The following ZNF644 variants were observed in gnomAD, a reference collection of about 807,000 sequenced individuals.
ZNF644 encodes the protein zinc finger motif enhancer binding protein 2.
Under a neutral mutation model 108.0 loss-of-function variants are expected in ZNF644, and 20 were observed. The ratio of observed to expected loss-of-function variants is 0.19; its 90% CI spans 0.13 to 0.27. ZNF644 has a LOEUF of 0.27. ZNF644 is among the 10% of genes least tolerant of loss of function. ZNF644 has a pLI of 1.00. For missense variants in ZNF644, 1,338 were observed against 1,548.9 expected (o/e 0.86, Z 2.29); for synonymous variants, 542 against 539.1 (o/e 1.01, Z -0.08).
At position 90,939,023 on chromosome 1, in the gene ZNF644, T is replaced by C; in HGVS notation, c.2331A>G (p.Ser777=). The change falls in exon 3 of 6, where the codon TCA becomes TCG. Residue 777 remains serine, a synonymous_variant. Transcript: ENST00000337393. ...SSLNSLHLFS[S]SSNSHNNFIS... Reference sequence around the variant, plus strand: ...TAAAATTGTTGTGAGAATTACTTGATGATGAAAACAGGTGTAAAGAATTTA... The same window carrying C: ...TAAAATTGTTGTGAGAATTACTTGACGATGAAAACAGGTGTAAAGAATTTA... 2.5e-6 allele frequency: 4 copies of C among 1,614,042 alleles called. 1 individual carries two copies. The highest frequency in any genetic ancestry group is 2.2e-5 in the South Asian group (2 of 91,082).
At chr1:90,937,169 C>T (rs1002363964) in intron 4 of ZNF644, among the ~76,000 whole-genome samples, 1 of 152,108 alleles carries the variant, frequency 6.6e-6, no homozygotes, top group Non-Finnish European at 1.5e-5. Context: ...CATCCTCCAG[C>T]CAGAGCAAGT....
chr1:90,930,228 G>A (rs1163546724), intron 4 of ZNF644, among the ~76,000 whole-genome samples: 1 of 152,202 alleles, frequency 6.6e-6, no homozygotes, highest in African/African-American at 2.4e-5. Context: ...AGAGGTTGCA[G>A]TGAGCCGAGA....
intron 2 of ZNF644, among the ~76,000 whole-genome samples, chr1:90,960,933 C>G (rs1316124125): frequency 6.6e-6 from 1 of 151,952 alleles, no homozygotes. Context: ...CAAGAATCAT[C>G]CAAAAGTGAG....
chr1:90,975,266 C>T (rs1422020438), intron 2 of ZNF644, among the ~76,000 whole-genome samples: 3 of 152,192 alleles, frequency 2.0e-5, no homozygotes, highest in Non-Finnish European at 1.5e-5. Context: ...ATTATAATTA[C>T]ATATTTAGTT....
At chr1:90,955,728 T>C (rs1474113213) in intron 2 of ZNF644, among the ~76,000 whole-genome samples, 2 of 152,256 alleles carry the variant, frequency 1.3e-5, no homozygotes, top group African/African-American at 4.8e-5. Flanking sequence ...TGTGGCTGGT[T>C]TGATCTTCTG....
rs551549459 is a variant in ZNF644 at position 90,987,250 on chromosome 1, T to C, written c.-17-4880A>G. Among the ~76,000 whole-genome samples, 1,169 of 141,754 alleles carry C rather than the reference T, an allele frequency of 8.2e-3. 22 individuals are homozygous for C. The highest frequency in any genetic ancestry group is 0.031 in the African/African-American group (1,105 of 36,096). The allele number at this position is 141,754 out of a possible 152,430, so 93.0% of individuals were successfully genotyped here. ...ACTCAATGAAACCTAGAGTTGGTTT[T>C]TTTTTTTTTTTTTTTTTAAAAAAAG... On this transcript the variant is annotated intron_variant, in intron 1 of 5. Transcript: ENST00000337393.
chr1:90,920,734 T>C (rs1326896156), intron 4 of ZNF644, among the ~76,000 whole-genome samples: 1 of 151,978 alleles, frequency 6.6e-6, no homozygotes, highest in Admixed American at 6.6e-5. Context: ...TGATCAATCA[T>C]CTCTAGAACC....
intron 2 of ZNF644, among the ~76,000 whole-genome samples, chr1:90,976,930 C>T (rs1023567266): frequency 5.9e-5 from 9 of 151,800 alleles, no homozygotes; most frequent in African/African-American, 2.2e-4. Flanking sequence ...CCAAAATATG[C>T]CAATTTGTAA....
At chr1:90,990,196 CT>C (rs1329309463) in intron 1 of ZNF644, among the ~76,000 whole-genome samples, 1 of 152,148 alleles carries the variant, frequency 6.6e-6, no homozygotes, top group Non-Finnish European at 1.5e-5. Context: ...CACAGAGTTT[CT>C]CTTTTCCAAA....
At chr1:90,970,610 C>T (rs1029987371) in intron 2 of ZNF644, among the ~76,000 whole-genome samples, 4 of 151,994 alleles carry the variant, frequency 2.6e-5, no homozygotes, top group Admixed American at 6.6e-5. Flanking sequence ...GGTGTGTGTG[C>T]GAATATCTCC....
intron 2 of ZNF644, among the ~76,000 whole-genome samples, chr1:90,945,612 G>A (rs956645126): frequency 2.0e-5 from 3 of 152,060 alleles, no homozygotes; most frequent in Admixed American, 2.0e-4. Context: ...CAGAAGAAAT[G>A]AGGTGATAAT....
At chr1:90,967,440 C>T (rs564964546) in intron 2 of ZNF644, among the ~76,000 whole-genome samples, 36 of 152,244 alleles carry the variant, frequency 2.4e-4, no homozygotes, top group African/African-American at 4.3e-4. Flanking sequence ...TTTCTCTCTC[C>T]TAATGGTCCT....
intron 2 of ZNF644, among the ~76,000 whole-genome samples, chr1:90,979,001 T>C (rs1257831734): frequency 6.6e-6 from 1 of 152,188 alleles, no homozygotes; most frequent in Non-Finnish European, 1.5e-5. Flanking sequence ...AATTGATCCC[T>C]GTGGGGAAGA....
Position 90,940,376 on chromosome 1 carries a change from T to C in ZNF644, c.978A>G (p.Leu326=). The change falls in exon 3 of 6, where the codon CTA becomes CTG. Residue 326 remains leucine, a synonymous_variant. Transcript: ENST00000337393. ...CTGCTTGTAGCTCTTCATTTTGTTC[T>C]AGAAAGTCTACTTCTTGCATTTTTG... ...NKSKMQEVDF[L]EQNEELQAVD... The C allele has an allele frequency of 2.5e-6, 4 of 1,613,802 alleles. No individual in the cohort carries two copies. Among genetic ancestry groups the C allele is most frequent in the East Asian group, 4.5e-5 (2 of 44,862 alleles).
chr1:90,944,097 G>A (rs1652285371), intron 2 of ZNF644, among the ~76,000 whole-genome samples: 1 of 152,194 alleles, frequency 6.6e-6, no homozygotes, highest in African/African-American at 2.4e-5. Flanking sequence ...GTGTTAATGA[G>A]TGGCTTCACT....
intron 1 of ZNF644, among the ~76,000 whole-genome samples, chr1:91,007,219 CATTTT>C (rs375281751): frequency 0.099 from 11,347 of 114,096 alleles, 709 homozygotes; most frequent in South Asian, 0.13. Context: ...CATTTTCTCC[CATTTT>C]GTTTTTTTTT....
At chr1:91,019,094 T>TA (rs1436650328) in intron 1 of ZNF644, among the ~76,000 whole-genome samples, 3 of 152,242 alleles carry the variant, frequency 2.0e-5, no homozygotes, top group African/African-American at 7.2e-5. Flanking sequence ...TAAAACAATT[T>TA]AACTTTTTGC....
In ZNF644 at chr1:90,937,470, T is replaced by C; in HGVS notation, c.3688+15A>G. On this transcript the variant is annotated intron_variant, in intron 4 of 5. Transcript: ENST00000337393. ...ATTTAAACTGTGTATAGCATAGTCA[T>C]AAACGTCCTCTTACCTGAGTGCATA... The C allele has an allele frequency of 6.2e-7, 1 of 1,613,570 alleles. No homozygotes were observed. The highest frequency in any genetic ancestry group is 8.5e-7 in the Non-Finnish European group (1 of 1,179,554).
At chr1:90,984,498 G>A (rs950621195) in intron 1 of ZNF644, among the ~76,000 whole-genome samples, 2 of 151,112 alleles carry the variant, frequency 1.3e-5, no homozygotes, top group South Asian at 2.1e-4. Context: ...AGCGATTCTC[G>A]TGCCTCAGCC....
Sources: allele counts gnomAD v4.1 joint callset (sites outside exome capture counted in the v4.1 genomes callset), GRCh38; gene constraint gnomAD v4.1.1; transcripts MANE v1.5; gene names NCBI Gene and HGNC (gene_info 2026-07-23, HGNC 2026-07-21).